Variants in ATP2B2 observed in about 807,000 individuals in gnomAD.
The protein encoded by ATP2B2 is ATPase plasma membrane Ca2+ transporting 2.
ATP2B2 carries 15 observed loss-of-function variants against 120.0 expected under a neutral mutation model. The ratio of observed to expected loss-of-function variants is 0.12; its 90% confidence interval spans 0.08 to 0.19. The LOEUF is 0.19. ATP2B2 is among the 10% of genes least tolerant of loss of function. The pLI is 1.00. For synonymous variants in ATP2B2, 694 were observed against 700.3 expected (o/e 0.99, Z 0.14); for missense variants, 1,045 against 1,719.8 (o/e 0.61, Z 6.94).
intron 2 of ATP2B2, among the ~76,000 whole-genome samples, chr3:10,574,977 G>C (rs1185055227): frequency 6.6e-6 from 1 of 152,184 alleles, no homozygotes; most frequent in African/African-American, 2.4e-5. Context: ...ACCTGGGCCT[G>C]TGTCTCAGGG....
Position 10,463,081 on chromosome 3 carries a change from C to T in ATP2B2, c.-319-13219G>A, listed in dbSNP as rs2064566454. Reference sequence around the variant, plus strand: ...CAAACCTCACTCTCCAAGATCTAGTCCTCATGCCAACTTCTCTGTGAAGTT... The same window carrying T: ...CAAACCTCACTCTCCAAGATCTAGTTCTCATGCCAACTTCTCTGTGAAGTT... On this transcript the variant is annotated intron_variant, in intron 1 of 22. Coordinates refer to ENST00000360273, the MANE Select transcript of ATP2B2 (RefSeq NM_001001331.4). Among the ~76,000 whole-genome samples the T allele has an allele frequency of 3.9e-5, 6 of 152,348 alleles. No individual in the cohort carries two copies. The South Asian group carries it at 1.2e-3, about 32-fold the overall frequency.
chr3:10,682,087 C>A (rs887598085), intron 1 of ATP2B2, among the ~76,000 whole-genome samples: 2 of 152,198 alleles, frequency 1.3e-5, no homozygotes, highest in African/African-American at 4.8e-5. Flanking sequence ...GGATCTGAGC[C>A]AGGACTCCAT....
intron 2 of ATP2B2, among the ~76,000 whole-genome samples, chr3:10,611,684 T>C (rs1213982642): frequency 6.6e-6 from 1 of 152,096 alleles, no homozygotes; most frequent in Non-Finnish European, 1.5e-5. Flanking sequence ...TGTGTTTGAG[T>C]CCTCATTTCT....
chr3:10,439,638 T>C (rs1419074283), intron 2 of ATP2B2, among the ~76,000 whole-genome samples: 1 of 152,220 alleles, frequency 6.6e-6, no homozygotes, highest in Non-Finnish European at 1.5e-5. Context: ...TAGTTTAGCA[T>C]TTTTCTCCAG....
rs2060427135 is a variant in ATP2B2 at position 10,346,186 on chromosome 3, C to A, written c.2405-49G>T. Reference sequence around the variant, plus strand: ...GGCCCTGGGCCACTCAGGTGGGAGGCAGCCTGGGCCAGCCCTGGTCCTCGG... The same window carrying A: ...GGCCCTGGGCCACTCAGGTGGGAGGAAGCCTGGGCCAGCCCTGGTCCTCGG... On this transcript the variant is annotated intron_variant, in intron 16 of 22. Transcript: ENST00000360273. The surrounding 1 kb of genome is among the most constrained non-coding windows in gnomAD (Gnocchi z 4.1). 2 of 1,576,196 alleles carry A rather than the reference C, an allele frequency of 1.3e-6. No individual in the cohort carries two copies. Among genetic ancestry groups the A allele is most frequent in the African/African-American group, 2.7e-5 (2 of 74,358 alleles).
rs1390327917 is a variant in ATP2B2 at position 10,410,649 on chromosome 3, G to A, written c.366C>T (p.Ser122=). ...EIAAIISLGL[S]FYHPPGEGNE... ...TGCCCTCGCCGGGCGGGTGGTAGAA[G>A]GACAGCCCCAGGGAGATGATGGCGG... Residue 122 remains serine, a synonymous_variant, in exon 3 of 23, where the codon TCC becomes TCT. Coordinates refer to ENST00000360273, the MANE Select transcript of ATP2B2 (RefSeq NM_001001331.4). The A allele has an allele frequency of 3.1e-6, 5 of 1,610,740 alleles. No individual in the cohort carries two copies. The African/African-American group carries it at 4.0e-5, about 13-fold the overall frequency.
intron 1 of ATP2B2, among the ~76,000 whole-genome samples, chr3:10,681,660 T>C (rs181395920): frequency 2.6e-5 from 4 of 152,326 alleles, no homozygotes; most frequent in African/African-American, 9.6e-5. Context: ...CAATGATTGG[T>C]TATCTACTAC....
rs774876105 is a variant in ATP2B2 at position 10,550,913 on chromosome 3, C to G, written c.-414-16780G>C. Among the ~76,000 whole-genome samples the G allele has an allele frequency of 3.7e-4, 56 of 152,286 alleles. No homozygotes were observed. In the Middle Eastern group the frequency reaches 0.01, roughly 28 times the overall value. ...CTGCAAAGTAAACCCTCCAATCAGG[C>G]AGGTTGCTGGCAGGATACGGCCCGG... On this transcript the variant is annotated intron_variant, in intron 2 of 21. Transcript: ENST00000646379.
At chr3:10,333,707 G>A (rs2060042180) in intron 22 of ATP2B2, among the ~76,000 whole-genome samples, 1 of 152,290 alleles carries the variant, frequency 6.6e-6, no homozygotes, top group East Asian at 1.9e-4. Flanking sequence ...TGTCACAGAG[G>A]GGGAATGCGA....
chr3:10,633,320 G>A (rs1338434197), intron 1 of ATP2B2, among the ~76,000 whole-genome samples: 1 of 152,136 alleles, frequency 6.6e-6, no homozygotes, highest in Non-Finnish European at 1.5e-5. Context: ...TCCACACCAG[G>A]GTTGCCATCC....
intron 2 of ATP2B2, among the ~76,000 whole-genome samples, chr3:10,596,008 C>G (rs9861918): frequency 3.3e-5 from 5 of 151,998 alleles, no homozygotes; most frequent in Non-Finnish European, 7.4e-5. Context: ...GCCTGGAATT[C>G]TCTCCTCTCA....
chr3:10,629,873 C>T (rs1160534005), intron 1 of ATP2B2, among the ~76,000 whole-genome samples: 3 of 152,214 alleles, frequency 2.0e-5, no homozygotes, highest in Non-Finnish European at 4.4e-5. Flanking sequence ...CTCTTACAAC[C>T]CACATGGGTA....
chr3:10,385,688 T>C lies in ATP2B2; in HGVS notation c.941-361A>G, dbSNP rs112526018. On this transcript the variant is annotated intron_variant, in intron 7 of 22. Transcript: ENST00000360273. ...TGAAATGAGGAGATCTGGCTGCCCA[T>C]TGGGGGCCAGGAGTGGAAAAATATT... 6.9e-3 allele frequency among the ~76,000 whole-genome samples: 1,047 copies of C among 152,308 alleles called. 11 individuals are homozygous for C. The highest frequency in any genetic ancestry group is 0.024 in the African/African-American group (991 of 41,568).
At chr3:10,444,825 C>G (rs1440058086) in intron 2 of ATP2B2, among the ~76,000 whole-genome samples, 1 of 152,232 alleles carries the variant, frequency 6.6e-6, no homozygotes, top group Non-Finnish European at 1.5e-5. Context: ...TGTCTGTCCC[C>G]AAGCCTGCAG....
intron 1 of ATP2B2, among the ~76,000 whole-genome samples, chr3:10,480,203 C>T (rs541624103): frequency 7.2e-5 from 11 of 152,272 alleles, no homozygotes; most frequent in African/African-American, 2.6e-4. Context: ...TTTCTGAGAA[C>T]TTATTATGTA....
At chr3:10,442,109 G>A (rs1263946687) in intron 2 of ATP2B2, among the ~76,000 whole-genome samples, 1 of 152,154 alleles carries the variant, frequency 6.6e-6, no homozygotes, top group Non-Finnish European at 1.5e-5. Flanking sequence ...AATGTGTTGG[G>A]AAGGCCTGGC....
At chr3:10,641,967 C>T (rs966319944) in intron 1 of ATP2B2, among the ~76,000 whole-genome samples, 10 of 129,590 alleles carry the variant, frequency 7.7e-5, no homozygotes, top group African/African-American at 3.0e-4. Context: ...CACCCATCCA[C>T]TCATCCACCC....
chr3:10,520,762 T>TC (rs1174723956), intron 3 of ATP2B2, among the ~76,000 whole-genome samples: 2 of 151,522 alleles, frequency 1.3e-5, no homozygotes, highest in Admixed American at 1.3e-4. Context: ...GGCCTCTTTT[T>TC]TTTTTTTTCT....
Position 10,402,431 on chromosome 3 carries a change from G to T in ATP2B2, c.398-83C>A. On this transcript the variant is annotated intron_variant, in intron 3 of 22. Coordinates refer to ENST00000360273, the MANE Select transcript of ATP2B2 (RefSeq NM_001001331.4). This position sits in a 1 kb window ranked among gnomAD's most constrained non-coding sequence, Gnocchi z 4.9. ...GGGCCTGGATTTACAGCTCAGCTCT[G>T]CAAAGTAACAAGTGTTAAGAATCAG... The T allele has an allele frequency of 6.4e-7, 1 of 1,566,046 alleles. No individual in the cohort carries two copies. Among genetic ancestry groups the T allele is most frequent in the Non-Finnish European group, 8.7e-7 (1 of 1,147,440 alleles).
Sources: allele counts gnomAD v4.1 joint callset (sites outside exome capture counted in the v4.1 genomes callset), GRCh38; gene constraint gnomAD v4.1.1; non-coding constraint Gnocchi (gnomAD v3.1); transcripts MANE v1.5; gene names NCBI Gene and HGNC (gene_info 2026-07-23, HGNC 2026-07-21).